The following MECOM variants were observed in gnomAD, a reference collection of about 807,000 sequenced individuals.
MECOM encodes the protein histone-lysine N-methyltransferase MECOM.
MECOM carries 13 observed loss-of-function variants against 116.3 expected under a neutral mutation model. The observed-to-expected ratio is 0.11, with a 90% CI of 0.07 to 0.18. The LOEUF (loss-of-function observed/expected upper bound fraction) is 0.18. MECOM is among the 10% of genes least tolerant of loss of function. The pLI is 1.00. For synonymous variants in MECOM, 528 were observed against 535.2 expected, an observed-to-expected ratio of 0.99 and a Z score of 0.19; for missense variants, 1,299 against 1,509.0, an observed-to-expected ratio of 0.86 and a Z score of 2.31.
At chr3:169,178,281 C>G (rs957176677) in intron 2 of MECOM, among the ~76,000 whole-genome samples, 1 of 152,130 alleles carries the variant, frequency 6.6e-6, no homozygotes, top group Admixed American at 6.5e-5. Context: ...GATGGAGGGC[C>G]GCATGAGTGA....
chr3:169,540,507 C>T (rs1386590195), intron 1 of MECOM, among the ~76,000 whole-genome samples: 1 of 152,234 alleles, frequency 6.6e-6, no homozygotes, highest in Non-Finnish European at 1.5e-5. Context: ...TGTCATGGCC[C>T]TGCTTAAAAG....
intron 4 of MECOM, among the ~76,000 whole-genome samples, chr3:169,131,139 T>G (rs1433474805): frequency 6.6e-6 from 1 of 152,206 alleles, no homozygotes; most frequent in Non-Finnish European, 1.5e-5. Context: ...GAAAGGATTC[T>G]CACCATAAAC....
chr3:169,219,803 A>G (rs1171873668), intron 2 of MECOM, among the ~76,000 whole-genome samples: 4 of 149,434 alleles, frequency 2.7e-5, no homozygotes, highest in Non-Finnish European at 5.9e-5. Context: ...TTTGCTATAT[A>G]TAATAATAGC....
At chr3:169,244,630 G>C (rs1282027200) in intron 2 of MECOM, among the ~76,000 whole-genome samples, 1 of 152,188 alleles carries the variant, frequency 6.6e-6, no homozygotes, top group African/African-American at 2.4e-5. Context: ...GAAAATTACA[G>C]CATTAAGTTT....
At chr3:169,142,574 G>GA (rs1268513790) in intron 3 of MECOM, among the ~76,000 whole-genome samples, 1 of 151,854 alleles carries the variant, frequency 6.6e-6, no homozygotes, top group African/African-American at 2.4e-5. Context: ...ATAGCAAGGA[G>GA]AAAAAACAAT....
At chr3:169,609,977 C>G (rs1769050306) in intron 1 of MECOM, among the ~76,000 whole-genome samples, 1 of 152,108 alleles carries the variant, frequency 6.6e-6, no homozygotes, top group South Asian at 2.1e-4. Flanking sequence ...ATACTGATTA[C>G]TACATTTCCC....
intron 1 of MECOM, among the ~76,000 whole-genome samples, chr3:169,462,531 A>T (rs1476767011): frequency 6.6e-6 from 1 of 152,126 alleles, no homozygotes; most frequent in Non-Finnish European, 1.5e-5. Flanking sequence ...GATGTCCCAT[A>T]TGTGTTTCTT....
intron 1 of MECOM, among the ~76,000 whole-genome samples, chr3:169,401,005 C>T (rs1735802967): frequency 6.6e-6 from 1 of 152,186 alleles, no homozygotes; most frequent in Non-Finnish European, 1.5e-5. Flanking sequence ...ACCACAGTGC[C>T]ATACCCTGTC....
chr3:169,214,084 T>C (rs1751118663), intron 2 of MECOM, among the ~76,000 whole-genome samples: 1 of 152,164 alleles, frequency 6.6e-6, no homozygotes, highest in Admixed American at 6.6e-5. Context: ...TTCTTGAGTG[T>C]CTACACTGCC....
At chr3:169,387,595 A>T (rs952537977) in intron 1 of MECOM, among the ~76,000 whole-genome samples, 1 of 152,238 alleles carries the variant, frequency 6.6e-6, no homozygotes, top group Non-Finnish European at 1.5e-5. Context: ...GCAACTAAAA[A>T]GTTTAATATT....
In MECOM at chr3:169,242,292, C is replaced by T. The variant is rs1025743211; in HGVS notation, c.376-98460G>A. ...GAGAGTCCTGTCACAGGACTGCCTG[C>T]GGCAATCAGTCCTGGTTTCTTTTTG... On this transcript the variant is annotated intron_variant, in intron 2 of 16. Coordinates refer to ENST00000651503, the MANE Select transcript of MECOM (RefSeq NM_004991.4). Among the ~76,000 whole-genome samples the T allele has an allele frequency of 2.3e-4, 35 of 152,156 alleles. 1 individual carries two copies. Among genetic ancestry groups the T allele is most frequent in the Non-Finnish European group, 8.8e-5 (6 of 68,036 alleles).
At chr3:169,262,762 T>A (rs774422580) in intron 2 of MECOM, among the ~76,000 whole-genome samples, 1 of 152,084 alleles carries the variant, frequency 6.6e-6, no homozygotes, top group African/African-American at 2.4e-5. Context: ...GCCATGAGAT[T>A]TATCTGTTGA....
chr3:169,248,311 T>A (rs1755838813), intron 2 of MECOM, among the ~76,000 whole-genome samples: 1 of 152,154 alleles, frequency 6.6e-6, no homozygotes, highest in Admixed American at 6.5e-5. Flanking sequence ...AAATGATTTG[T>A]TTTCGCTACT....
chr3:169,553,246 A>T (rs548832498), intron 1 of MECOM, among the ~76,000 whole-genome samples: 2 of 152,320 alleles, frequency 1.3e-5, no homozygotes, highest in East Asian at 1.9e-4. Context: ...TAGAATTTTT[A>T]AAAAATAAAG....
At chr3:169,655,423 T>C (rs1309309127) in intron 1 of MECOM, among the ~76,000 whole-genome samples, 1 of 152,128 alleles carries the variant, frequency 6.6e-6, no homozygotes. Flanking sequence ...CCACTAAAAG[T>C]CAAATTTTCA....
At chr3:169,603,503 C>T (rs548370893) in intron 1 of MECOM, among the ~76,000 whole-genome samples, 9 of 152,182 alleles carry the variant, frequency 5.9e-5, no homozygotes, top group Non-Finnish European at 1.2e-4. Context: ...CAGCAGTGTA[C>T]TGCAAAGTCC....
At chr3:169,478,445 C>A (rs1441170572) in intron 1 of MECOM, among the ~76,000 whole-genome samples, 1 of 152,072 alleles carries the variant, frequency 6.6e-6, no homozygotes, top group Non-Finnish European at 1.5e-5. Flanking sequence ...AGCTATTGTG[C>A]AGATAAAAAT....
chr3:169,303,801 T>A (rs993955367), intron 2 of MECOM, among the ~76,000 whole-genome samples: 1 of 152,216 alleles, frequency 6.6e-6, no homozygotes, highest in Non-Finnish European at 1.5e-5. Context: ...AATGACTTTG[T>A]TTATTGGTTT....
At chr3:169,473,058 A>C (rs1430484494) in intron 1 of MECOM, 1 of 682,038 alleles carries the variant, frequency 1.5e-6, no homozygotes, top group Non-Finnish European at 1.8e-6. Context: ...AGCATCCAAC[A>C]GTCTCCTGGT....
Sources: gnomAD v4.1 joint callset for allele counts (sites outside exome capture counted in the v4.1 genomes callset) on GRCh38, gnomAD v4.1.1 for gene constraint, MANE v1.5 for transcripts, NCBI Gene and HGNC (gene_info 2026-07-23, HGNC 2026-07-21) for gene names.